Variants in DCAF6 observed in about 807,000 individuals in gnomAD.
DCAF6 encodes the protein DDB1- and CUL4-associated factor 6.
DCAF6 carries 54 observed loss-of-function variants against 125.1 expected under a neutral mutation model. The ratio of observed to expected loss-of-function variants is 0.43; its 90% CI spans 0.35 to 0.54. DCAF6 has a LOEUF of 0.54. Among genes scored for constraint, DCAF6 ranks in the 20% least tolerant of loss-of-function variants. The pLI is 0.01. For missense variants in DCAF6, 934 were observed against 1,161.7 expected (o/e 0.80, Z 2.85); for synonymous variants, 371 against 390.4 (o/e 0.95, Z 0.58).
chr1:167,865,084 C>T, the DCAF6 span, among the ~76,000 whole-genome samples: 2 of 151,874 alleles, frequency 1.3e-5, no homozygotes, highest in African/African-American at 4.8e-5. Context: ...AAAATTTATG[C>T]AAAAAATATT....
At chr1:168,004,905 C>G (rs776791066) in intron 10 of DCAF6, 112 bp downstream of exon 10, 3 of 1,206,122 alleles carry the variant, frequency 2.5e-6, no homozygotes, top group South Asian at 3.2e-5. Flanking sequence ...AATAAATGAT[C>G]AAAATGACAT....
At chr1:168,017,281 A>G (rs1022605433) in intron 11 of DCAF6, among the ~76,000 whole-genome samples, 2 of 151,904 alleles carry the variant, frequency 1.3e-5, no homozygotes, top group African/African-American at 4.8e-5. Flanking sequence ...AGGTTAAAAA[A>G]TCATGAAACC....
At chr1:167,996,449 C>T (rs762332776) in intron 7 of DCAF6, among the ~76,000 whole-genome samples, 5 of 152,140 alleles carry the variant, frequency 3.3e-5, no homozygotes, top group South Asian at 2.1e-4. Flanking sequence ...CACCCTGATC[C>T]GAGCTATCAG....
At chr1:168,014,733 C>T (rs187860777) in intron 10 of DCAF6, among the ~76,000 whole-genome samples, 9 of 152,306 alleles carry the variant, frequency 5.9e-5, no homozygotes, top group Non-Finnish European at 1.2e-4. Context: ...AAATGTATTG[C>T]ACATTCCTAT....
chr1:167,982,018 C>T (rs766543278), intron 4 of DCAF6, among the ~76,000 whole-genome samples: 7 of 152,304 alleles, frequency 4.6e-5, no homozygotes, highest in Middle Eastern at 3.4e-3. Context: ...TTTTTCTCTG[C>T]GGCCTCACCA....
the DCAF6 span, among the ~76,000 whole-genome samples, chr1:167,900,988 C>T: frequency 6.6e-6 from 1 of 152,148 alleles, no homozygotes; most frequent in African/African-American, 2.4e-5. Flanking sequence ...ACCAACAGCA[C>T]CAACCATAAC....
chr1:167,934,161 C>T (rs1008851907), upstream of DCAF6, among the ~76,000 whole-genome samples: 2 of 152,180 alleles, frequency 1.3e-5, no homozygotes, highest in Non-Finnish European at 2.9e-5. Context: ...CCTCTTCATT[C>T]TGAAAGCTGA....
At chr1:167,870,118 A>C in the DCAF6 span, 10 of 944,794 alleles carry the variant, frequency 1.1e-5, no homozygotes, top group East Asian at 2.5e-4. Flanking sequence ...TTAGTTATCT[A>C]TTTAGCACAA....
chr1:167,919,988 C>T, the DCAF6 span: 8 of 1,609,640 alleles, frequency 5.0e-6, no homozygotes, highest in Non-Finnish European at 5.9e-6. Context: ...CCTCCAAATA[C>T]GAAAAAGCTG....
chr1:168,058,947 A>G lies in DCAF6; in HGVS notation c.2301-4674A>G, dbSNP rs147697996. ...ATTGATTTATAAGAGTTCTTAATGC[A>G]TTTTTGATACTAATCCACTATCGTG... On this transcript the variant is annotated intron_variant, in intron 17 of 21. Transcript: ENST00000367840. Among the ~76,000 whole-genome samples, 73 of 152,240 alleles carry G rather than the reference A, an allele frequency of 4.8e-4. No homozygotes were observed. The East Asian group carries it at 0.014, about 29-fold the overall frequency.
chr1:167,971,615 G>C, intron 3 of DCAF6, among the ~76,000 whole-genome samples: 1 of 152,168 alleles, frequency 6.6e-6, no homozygotes, highest in East Asian at 1.9e-4. Flanking sequence ...ACTTTGGCCA[G>C]CTATTTAGTC....
intron 13 of DCAF6, among the ~76,000 whole-genome samples, chr1:168,041,358 A>G (rs1176362474): frequency 6.6e-6 from 1 of 151,816 alleles, no homozygotes; most frequent in African/African-American, 2.4e-5. Context: ...TGTTGCAAAT[A>G]TTTTTCCCAA....
the DCAF6 span, among the ~76,000 whole-genome samples, chr1:167,928,962 GAATT>G: frequency 2.0e-5 from 3 of 152,182 alleles, no homozygotes; most frequent in Non-Finnish European, 2.9e-5. Flanking sequence ...TTTAGAAAAA[GAATT>G]AATACATTTT....
chr1:167,910,497 G>C, the DCAF6 span, among the ~76,000 whole-genome samples: 7 of 152,188 alleles, frequency 4.6e-5, no homozygotes, highest in African/African-American at 1.7e-4. Context: ...GGGGACATGG[G>C]TGTGTATGCA....
the DCAF6 span, among the ~76,000 whole-genome samples, chr1:167,879,898 C>G: frequency 6.6e-6 from 1 of 152,288 alleles, no homozygotes; most frequent in Admixed American, 6.5e-5. Flanking sequence ...CCACTGCTCC[C>G]CTCTCATGAC....
intron 7 of DCAF6, among the ~76,000 whole-genome samples, chr1:167,999,927 C>G (rs1174982105): frequency 6.6e-6 from 1 of 152,136 alleles, no homozygotes; most frequent in Non-Finnish European, 1.5e-5. Context: ...TACAAATTTG[C>G]TAACTGTTTG....
At chr1:167,922,939 C>G in the DCAF6 span, among the ~76,000 whole-genome samples, 1 of 152,038 alleles carries the variant, frequency 6.6e-6, no homozygotes, top group Non-Finnish European at 1.5e-5. Flanking sequence ...CCAATAAGTA[C>G]AATAAGTATA....
chr1:167,975,063 TTTGA>T (rs1677934479), intron 4 of DCAF6, 48 bp downstream of exon 4: 2 of 1,279,684 alleles, frequency 1.6e-6, no homozygotes, highest in East Asian at 2.6e-5. Flanking sequence ...TATGTATATT[TTTGA>T]TTAAGTACAT....
At chr1:167,902,975 C>A in the DCAF6 span, among the ~76,000 whole-genome samples, 10 of 152,192 alleles carry the variant, frequency 6.6e-5, no homozygotes, top group Non-Finnish European at 1.3e-4. Flanking sequence ...CTTGGATAGG[C>A]CAGGCATGGT....
Sources: allele counts gnomAD v4.1 joint callset (sites outside exome capture counted in the v4.1 genomes callset), GRCh38; gene constraint gnomAD v4.1.1; transcripts MANE v1.5; gene names NCBI Gene and HGNC (gene_info 2026-07-23, HGNC 2026-07-21).